The following CDH8 variants were observed in gnomAD, a reference collection of about 807,000 sequenced individuals.
The protein encoded by CDH8 is cadherin 8.
Under a neutral mutation model 68.1 loss-of-function variants are expected in CDH8, and 17 were observed. That is an observed-to-expected ratio of 0.25 (90% confidence interval 0.17 to 0.37). The LOEUF is 0.37. Ranked by LOEUF, CDH8 falls within the 10% of genes least tolerant of loss-of-function variation. The pLI, the probability that CDH8 is intolerant of heterozygous loss-of-function variation, is 1.00. For synonymous variants in CDH8, 372 were observed against 365.1 expected (o/e 1.02, Z -0.21); for missense variants, 763 against 999.3 (o/e 0.76, Z 3.19).
chr16:61,648,596 A>C lies in CDH8; in HGVS notation c.*5012T>G, dbSNP rs1963254773. The C allele has an allele frequency of 6.6e-6, 1 of 151,104 alleles. No homozygotes were observed. 9.4% of individuals were successfully genotyped at this position (151,104 alleles called of 1,614,324 possible). On this transcript the variant is annotated 3_prime_UTR_variant, in exon 12 of 12. Coordinates refer to ENST00000577390, the MANE Select transcript of CDH8 (RefSeq NM_001796.5). The stretch of plus-strand genomic sequence containing the variant: ...ACCAAACTTAAACCCAGACTCAAAT[A>C]GTATTTATCCATAGATAAAAAAAAA...
chr16:61,789,506 T>C (rs767110476), intron 7 of CDH8, 24 bp from the exon 8 acceptor site: 2 of 1,608,968 alleles, frequency 1.2e-6, no homozygotes, highest in Non-Finnish European at 1.7e-6. Context: ...ACATCTGTAA[T>C]CTACTTCAAT....
intron 3 of CDH8, among the ~76,000 whole-genome samples, chr16:61,893,983 T>C (rs1474299478): frequency 6.6e-6 from 1 of 152,146 alleles, no homozygotes; most frequent in African/African-American, 2.4e-5. Context: ...TCAATGGATG[T>C]TAAAATTTTG....
intron 2 of CDH8, among the ~76,000 whole-genome samples, chr16:61,958,470 T>C (rs574801167): frequency 8.4e-4 from 128 of 152,282 alleles, no homozygotes; most frequent in African/African-American, 3.0e-3. Context: ...ATCCTTATAA[T>C]TTAGGTCAAC....
At chr16:61,999,268 T>C (rs535102362) in intron 2 of CDH8, among the ~76,000 whole-genome samples, 1 of 152,306 alleles carries the variant, frequency 6.6e-6, no homozygotes, top group East Asian at 1.9e-4. Flanking sequence ...GATGTTGAGC[T>C]TACTTGTTTA....
chr16:62,033,180 T>C (rs765844077), intron 1 of CDH8, among the ~76,000 whole-genome samples: 2 of 152,194 alleles, frequency 1.3e-5, no homozygotes, highest in African/African-American at 2.4e-5. Context: ...ATTCCTGGGC[T>C]GTTTGTTTGT....
At chr16:61,678,503 C>G (rs934811911) in intron 10 of CDH8, among the ~76,000 whole-genome samples, 2 of 151,836 alleles carry the variant, frequency 1.3e-5, no homozygotes, top group Non-Finnish European at 2.9e-5. Flanking sequence ...TCCTTTGTCC[C>G]TGACGCCCTA....
chr16:61,967,918 C>G (rs1332347482), intron 2 of CDH8, among the ~76,000 whole-genome samples: 2 of 152,188 alleles, frequency 1.3e-5, no homozygotes, highest in Non-Finnish European at 2.9e-5. Flanking sequence ...AAGCAATTCT[C>G]CTGCCTCGGC....
intron 2 of CDH8, among the ~76,000 whole-genome samples, chr16:61,988,447 G>T (rs937528941): frequency 9.2e-5 from 14 of 152,038 alleles, no homozygotes; most frequent in Non-Finnish European, 1.6e-4. Context: ...TTTAAACCAA[G>T]CCCTGCATTT....
chr16:61,842,450 C>A (rs914743833), intron 4 of CDH8, among the ~76,000 whole-genome samples: 9 of 152,112 alleles, frequency 5.9e-5, no homozygotes, highest in Admixed American at 5.9e-4. Flanking sequence ...TCTTATGCAG[C>A]AACAAGGCCC....
At chr16:61,850,826 G>C (rs1962923746) in intron 4 of CDH8, among the ~76,000 whole-genome samples, 1 of 151,962 alleles carries the variant, frequency 6.6e-6, no homozygotes, top group African/African-American at 2.4e-5. Flanking sequence ...TGTTTGCTAA[G>C]TTGGCACTTA....
chr16:61,945,841 G>A (rs1260583267), intron 2 of CDH8, among the ~76,000 whole-genome samples: 2 of 152,136 alleles, frequency 1.3e-5, no homozygotes, highest in Non-Finnish European at 2.9e-5. Flanking sequence ...CTCAGGCACC[G>A]TGATTTTTTT....
Position 61,654,078 on chromosome 16 carries a change from G to C in CDH8, c.1930C>G (p.Leu644Val). 1 of 1,613,876 alleles carries C rather than the reference G, an allele frequency of 6.2e-7. No homozygotes were observed. Among genetic ancestry groups the C allele is most frequent in the Non-Finnish European group, 8.5e-7 (1 of 1,179,936 alleles). ...LLVIVVLFVT[L>V]RRHKNEPLII... is the part of the protein sequence containing the mutation. ...AATGGTTCATTTTTATGCCGCCGTA[G>C]AGTTACAAACAGCACCACGATGACT... The change falls in exon 12 of 12, where the codon CTA (leucine) becomes GTA (valine). Residue 644 changes from leucine to valine, a missense_variant. Around this residue, in one of 2 missense-constraint regions of CDH8, gnomAD observed 397 missense variants for 436.2 expected, o/e 0.91. Coordinates refer to ENST00000577390, the MANE Select transcript of CDH8 (RefSeq NM_001796.5).
chr16:61,969,072 G>A (rs1332943932), intron 2 of CDH8, among the ~76,000 whole-genome samples: 1 of 152,190 alleles, frequency 6.6e-6, no homozygotes, highest in Non-Finnish European at 1.5e-5. Flanking sequence ...AACCTTCTCA[G>A]TCAGAGCTTC....
chr16:61,655,527 T>C lies in CDH8; in HGVS notation c.1849A>G (p.Ile617Val), dbSNP rs746983273. ...SCNVEAYVLP[I>V]GLSMGALIAI... ...ATTAAGGCGCCCATACTGAGTCCAATTGGAAGGACATAAGCTTCGACATTG... is the reference window on the plus strand; with the variant it reads ...ATTAAGGCGCCCATACTGAGTCCAACTGGAAGGACATAAGCTTCGACATTG... The change falls in exon 11 of 12, where the codon ATT (isoleucine) becomes GTT (valine). Residue 617 changes from isoleucine (I) to valine (V), a missense_variant. By Grantham distance (29) the Ile-to-Val change is conservative. Transcript: ENST00000577390. 1.4e-5 allele frequency: 22 copies of C among 1,613,936 alleles called. No homozygotes were observed. Among genetic ancestry groups the C allele is most frequent in the African/African-American group, 5.3e-5 (4 of 74,894 alleles).
chr16:61,714,127 A>T, intron 9 of CDH8, 169 bp from the exon 10 acceptor site: 1 of 609,918 alleles, frequency 1.6e-6, no homozygotes, highest in Non-Finnish European at 2.9e-6. Context: ...AGAAAAATCC[A>T]TTACTTTAAA....
intron 4 of CDH8, among the ~76,000 whole-genome samples, chr16:61,852,181 T>A (rs1962951057): frequency 6.6e-6 from 1 of 152,120 alleles, no homozygotes. Context: ...CCTGTTATGA[T>A]TTGACAGAGG....
At chr16:61,851,045 C>T (rs537347626) in intron 4 of CDH8, among the ~76,000 whole-genome samples, 19 of 152,108 alleles carry the variant, frequency 1.2e-4, no homozygotes, top group African/African-American at 4.3e-4. Flanking sequence ...TCTGAAATGT[C>T]TTCACTAAGC....
Position 61,651,206 on chromosome 16 carries a change from T to C in CDH8, c.*2402A>G, listed in dbSNP as rs1963314633. On this transcript the variant is annotated 3_prime_UTR_variant, in exon 12 of 12. Coordinates refer to ENST00000577390, the MANE Select transcript of CDH8 (RefSeq NM_001796.5). ...TCTCCTTGGTTTGGAAGGTGTAAGA[T>C]AGTTGGAATATTACTATTGGTTATT... 1 of 152,132 alleles carries C rather than the reference T, an allele frequency of 6.6e-6. No individual in the cohort carries two copies. The highest frequency in any genetic ancestry group is 6.6e-5 in the Admixed American group (1 of 15,266). The allele number at this position is 152,132 out of a possible 1,614,324, so 9.4% of individuals were successfully genotyped here.
At chr16:61,827,295 T>A (rs1428517458) in intron 4 of CDH8, among the ~76,000 whole-genome samples, 3 of 151,908 alleles carry the variant, frequency 2.0e-5, no homozygotes, top group Non-Finnish European at 4.4e-5. Context: ...AATTATGCCA[T>A]CCACTGGACT....
Sources: gnomAD v4.1 joint callset for allele counts (sites outside exome capture counted in the v4.1 genomes callset) on GRCh38, gnomAD v4.1.1 for gene constraint, gnomAD v4.1.1 regional missense constraint, MANE v1.5 for transcripts, NCBI Gene and HGNC (gene_info 2026-07-23, HGNC 2026-07-21) for gene names.